The following DACH1 variants were observed in gnomAD, a reference collection of about 807,000 sequenced individuals.
DACH1 encodes dachshund family transcription factor 1, also known as dachshund homolog 1.
In DACH1, 12 loss-of-function variants were observed where a neutral mutation model predicts 54.2. The ratio of observed to expected loss-of-function variants is 0.22; its 90% CI spans 0.14 to 0.36. The LOEUF is 0.36. DACH1 is among the 10% of genes least tolerant of loss of function. The pLI is 1.00. For missense variants in DACH1, 805 were observed against 929.8 expected (o/e 0.87, Z 1.75); for synonymous variants, 386 against 366.2 (o/e 1.05, Z -0.62).
chr13:71,787,013 G>T (rs903098819), intron 1 of DACH1, among the ~76,000 whole-genome samples: 1 of 152,106 alleles, frequency 6.6e-6, no homozygotes, highest in Non-Finnish European at 1.5e-5. Context: ...TGCAATTAAG[G>T]TTCCCACCAG....
intron 1 of DACH1, among the ~76,000 whole-genome samples, chr13:71,821,492 T>TAA (rs928911331): frequency 2.0e-5 from 3 of 152,044 alleles, no homozygotes; most frequent in South Asian, 2.1e-4. Context: ...ATTTTAAATT[T>TAA]AAAATTTTCC....
intron 6 of DACH1, among the ~76,000 whole-genome samples, chr13:71,548,462 T>C (rs78390493): frequency 3.6e-4 from 55 of 152,302 alleles, no homozygotes; most frequent in African/African-American, 1.3e-3. Flanking sequence ...TAACAGTCAT[T>C]TTTGTACATT....
intron 6 of DACH1, among the ~76,000 whole-genome samples, chr13:71,495,222 G>C (rs1879303516): frequency 6.6e-6 from 1 of 151,960 alleles, no homozygotes; most frequent in Non-Finnish European, 1.5e-5. Context: ...TATTAAAATG[G>C]AAAATATCTC....
At chr13:71,471,834 T>G (rs148206429) in intron 10 of DACH1, among the ~76,000 whole-genome samples, 2 of 152,066 alleles carry the variant, frequency 1.3e-5, no homozygotes, top group Non-Finnish European at 2.9e-5. Context: ...TAAAATAAGA[T>G]GACGACTTAG....
At chr13:71,609,078 A>G (rs1472805588) in intron 3 of DACH1, among the ~76,000 whole-genome samples, 2 of 152,150 alleles carry the variant, frequency 1.3e-5, no homozygotes, top group Non-Finnish European at 2.9e-5. Flanking sequence ...TAAAGCAAGT[A>G]TAATTTTATA....
At chr13:71,654,463 A>ATAAAATAAAATAAAATAAAG (rs1878942518) in intron 2 of DACH1, among the ~76,000 whole-genome samples, 8 of 72,314 alleles carry the variant, frequency 1.1e-4, no homozygotes, top group African/African-American at 1.1e-4. Flanking sequence ...ATAAAGTAAA[A>ATAAAATAAAATAAAATAAAG]TAAAATAAAA....
intron 1 of DACH1, among the ~76,000 whole-genome samples, chr13:71,833,607 C>A (rs1329528414): frequency 6.6e-6 from 1 of 151,748 alleles, no homozygotes; most frequent in Non-Finnish European, 1.5e-5. Flanking sequence ...GAGCCCACAC[C>A]AACTATGGGA....
chr13:71,743,683 TA>T (rs376105706), intron 1 of DACH1, among the ~76,000 whole-genome samples: 1 of 152,324 alleles, frequency 6.6e-6, no homozygotes, highest in African/African-American at 2.4e-5. Flanking sequence ...TAATTGCCTT[TA>T]AACAGATTTT....
At chr13:71,711,930 G>A (rs1882740820) in intron 1 of DACH1, among the ~76,000 whole-genome samples, 1 of 151,990 alleles carries the variant, frequency 6.6e-6, no homozygotes, top group African/African-American at 2.4e-5. Context: ...CTTGACACAG[G>A]TGACTTCAAG....
chr13:71,672,557 G>A lies in DACH1; in HGVS notation c.964+9238C>T, dbSNP rs544475215. 8.5e-5 allele frequency among the ~76,000 whole-genome samples: 13 copies of A among 152,252 alleles called. No individual in the cohort carries two copies. In the South Asian group the frequency reaches 1.7e-3, roughly 19 times the overall value. The stretch of plus-strand genomic sequence containing the variant: ...CAGCACATCATTAAGGGAAGGAGTT[G>A]AAGCTTTGAGGCTAGCTTCAGAGAG... On this transcript the variant is annotated intron_variant, in intron 2 of 10. Transcript: ENST00000613252.
At chr13:71,737,095 AC>A (rs1264351309) in intron 1 of DACH1, among the ~76,000 whole-genome samples, 3 of 151,994 alleles carry the variant, frequency 2.0e-5, no homozygotes, top group Admixed American at 1.3e-4. Context: ...TACTAAAAAT[AC>A]AAAAATTAGC....
intron 8 of DACH1, among the ~76,000 whole-genome samples, chr13:71,477,883 T>C (rs1464295751): frequency 6.6e-6 from 1 of 152,216 alleles, no homozygotes; most frequent in African/African-American, 2.4e-5. Context: ...TTGAATTTAC[T>C]GTTCGTAATT....
intron 1 of DACH1, among the ~76,000 whole-genome samples, chr13:71,855,332 T>C (rs1873933103): frequency 6.6e-6 from 1 of 152,052 alleles, no homozygotes; most frequent in Non-Finnish European, 1.5e-5. Flanking sequence ...TATACATGTG[T>C]TGCCTTACCA....
chr13:71,685,071 A>T (rs539569471), intron 1 of DACH1, among the ~76,000 whole-genome samples: 1 of 152,320 alleles, frequency 6.6e-6, no homozygotes, highest in Admixed American at 6.5e-5. Flanking sequence ...GATTTTAAAG[A>T]AAATCAAACT....
chr13:71,541,327 C>T (rs560017099), intron 6 of DACH1, among the ~76,000 whole-genome samples: 1 of 152,058 alleles, frequency 6.6e-6, no homozygotes, highest in African/African-American at 2.4e-5. Context: ...CCTGAAATGT[C>T]TTTTGTAAGG....
intron 1 of DACH1, among the ~76,000 whole-genome samples, chr13:71,809,338 C>CT (rs1887624135): frequency 6.6e-6 from 1 of 152,016 alleles, no homozygotes; most frequent in Non-Finnish European, 1.5e-5. Context: ...ACCTGACTAA[C>CT]TTTTTTGTTT....
intron 1 of DACH1, among the ~76,000 whole-genome samples, chr13:71,854,462 C>T (rs967119962): frequency 1.3e-5 from 2 of 152,000 alleles, no homozygotes; most frequent in Non-Finnish European, 2.9e-5. Context: ...TAGAGGATTG[C>T]CTACAAAATA....
intron 1 of DACH1, among the ~76,000 whole-genome samples, chr13:71,783,791 G>A (rs758605725): frequency 1.3e-5 from 2 of 150,828 alleles, no homozygotes; most frequent in Admixed American, 6.6e-5. Context: ...TTTAAAGAAT[G>A]AATGGAAAAA....
intron 2 of DACH1, among the ~76,000 whole-genome samples, chr13:71,633,257 T>C (rs1877236048): frequency 6.6e-6 from 1 of 152,168 alleles, no homozygotes; most frequent in Admixed American, 6.5e-5. Flanking sequence ...TGTAAAACCA[T>C]TCTAATCCCC....
Sources: allele counts gnomAD v4.1 joint callset (sites outside exome capture counted in the v4.1 genomes callset), GRCh38; gene constraint gnomAD v4.1.1; transcripts MANE v1.5; gene names NCBI Gene and HGNC (gene_info 2026-07-23, HGNC 2026-07-21).